Variants in TAFA2 observed in about 807,000 individuals in gnomAD.
TAFA2 encodes the protein TAFA chemokine like family member 2, also known as chemokine-like protein TAFA-2.
Under a neutral mutation model 18.8 loss-of-function variants are expected in TAFA2, and 7 were observed. The observed-to-expected ratio is 0.37, with a 90% CI of 0.21 to 0.70. TAFA2 has a LOEUF of 0.70. Among genes scored for constraint, TAFA2 ranks in the 30% least tolerant of loss-of-function variants. The pLI, the probability that TAFA2 is intolerant of heterozygous loss-of-function variation, is 0.53. For synonymous variants in TAFA2, 60 were observed against 54.2 expected, an observed-to-expected ratio of 1.11 and a Z score of -0.47; for missense variants, 122 against 158.1, an observed-to-expected ratio of 0.77 and a Z score of 1.23.
intron 2 of TAFA2, among the ~76,000 whole-genome samples, chr12:61,779,966 C>A (rs758037490): frequency 6.6e-6 from 1 of 151,660 alleles, no homozygotes; most frequent in African/African-American, 2.4e-5. Context: ...TGATTTTAGG[C>A]AAAACTTTCT....
At chr12:62,075,147 A>G (rs1882729615) in intron 1 of TAFA2, among the ~76,000 whole-genome samples, 1 of 152,242 alleles carries the variant, frequency 6.6e-6, no homozygotes, top group African/African-American at 2.4e-5. Flanking sequence ...TATTTGTATA[A>G]CAATAACAGC....
chr12:62,202,821 CTTTTTTT>C (rs71083986), intron 1 of TAFA2, among the ~76,000 whole-genome samples: 5 of 61,628 alleles, frequency 8.1e-5, no homozygotes, highest in Admixed American at 2.4e-4. Context: ...CTGTGTGGTT[CTTTTTTT>C]TTTTTTTTTT....
chr12:62,149,569 T>G (rs2062312723), intron 1 of TAFA2, among the ~76,000 whole-genome samples: 1 of 148,026 alleles, frequency 6.8e-6, no homozygotes, highest in Admixed American at 6.8e-5. Context: ...ATATATTCTA[T>G]TTATATATAT....
chr12:61,790,476 T>C (rs189484564), intron 2 of TAFA2, among the ~76,000 whole-genome samples: 40 of 151,956 alleles, frequency 2.6e-4, no homozygotes, highest in African/African-American at 7.9e-4. Flanking sequence ...TCCTAAAGAC[T>C]ACACCAAAAA....
chr12:62,125,704 G>A (rs1484614489), intron 1 of TAFA2, among the ~76,000 whole-genome samples: 4 of 152,110 alleles, frequency 2.6e-5, no homozygotes, highest in East Asian at 1.9e-4. Flanking sequence ...GTGAGGAGTC[G>A]CACAACTTAA....
chr12:61,770,993 C>T (rs891961331), intron 2 of TAFA2, among the ~76,000 whole-genome samples: 7 of 151,958 alleles, frequency 4.6e-5, no homozygotes, highest in Admixed American at 4.6e-4. Context: ...CTGCAGTCTT[C>T]AAGAGACTCA....
At chr12:61,980,929 A>C (rs1879610523) in intron 1 of TAFA2, among the ~76,000 whole-genome samples, 1 of 152,180 alleles carries the variant, frequency 6.6e-6, no homozygotes, top group Non-Finnish European at 1.5e-5. Flanking sequence ...GCTACCAATG[A>C]CTTTCTTCGC....
chr12:62,168,235 C>A (rs1444302332), intron 1 of TAFA2, among the ~76,000 whole-genome samples: 3 of 152,214 alleles, frequency 2.0e-5, no homozygotes, highest in Non-Finnish European at 4.4e-5. Flanking sequence ...GACTTTGTAA[C>A]CCATCACTAA....
chr12:62,132,756 A>G (rs1870741097), intron 1 of TAFA2, among the ~76,000 whole-genome samples: 1 of 151,936 alleles, frequency 6.6e-6, no homozygotes, highest in Non-Finnish European at 1.5e-5. Context: ...TCACCCTCCC[A>G]TCTGTGATAT....
At chr12:61,929,495 T>G (rs1030942275) in intron 1 of TAFA2, among the ~76,000 whole-genome samples, 1 of 152,066 alleles carries the variant, frequency 6.6e-6, no homozygotes, top group Non-Finnish European at 1.5e-5. Context: ...CATTAAAAAG[T>G]CAGGAAACAA....
rs555127605 is a variant in TAFA2 at position 62,079,378 on chromosome 12, C to T, written c.-2+111881G>A. On this transcript the variant is annotated intron_variant, in intron 1 of 4. Transcript: ENST00000416284. ...TGATAAAAGTTTAACAGTGGCCGGG[C>T]GCCGTGGCTCACACCTGTAATCCCA... is the stretch of plus-strand genomic sequence containing the variant. Among the ~76,000 whole-genome samples the T allele has an allele frequency of 2.6e-5, 4 of 151,900 alleles. No homozygotes were observed. The South Asian group carries it at 6.3e-4, about 24-fold the overall frequency.
At chr12:61,749,646 C>G (rs1868912407) in intron 4 of TAFA2, among the ~76,000 whole-genome samples, 1 of 151,980 alleles carries the variant, frequency 6.6e-6, no homozygotes, top group Non-Finnish European at 1.5e-5. Flanking sequence ...TTACAGAGCT[C>G]TTATCTGCTC....
intron 1 of TAFA2, among the ~76,000 whole-genome samples, chr12:62,062,339 G>A (rs1882371859): frequency 6.6e-6 from 1 of 152,160 alleles, no homozygotes; most frequent in South Asian, 2.1e-4. Flanking sequence ...TCTTGCATCT[G>A]GAGGGGAACA....
At chr12:62,104,708 G>A in intron 1 of TAFA2, 1 of 455,602 alleles carries the variant, frequency 2.2e-6, no homozygotes, top group Non-Finnish European at 4.4e-6. Context: ...GGACTTGATG[G>A]TACAATTTGT....
At chr12:62,178,526 C>T (rs1437194135) in intron 1 of TAFA2, among the ~76,000 whole-genome samples, 5 of 152,186 alleles carry the variant, frequency 3.3e-5, no homozygotes, top group African/African-American at 4.8e-5. Flanking sequence ...TACCATATTT[C>T]ACAGATCCTG....
intron 4 of TAFA2, among the ~76,000 whole-genome samples, chr12:61,732,046 G>A (rs942591526): frequency 6.6e-6 from 1 of 152,110 alleles, no homozygotes; most frequent in Non-Finnish European, 1.5e-5. Flanking sequence ...CCTGCCAAGA[G>A]AAGAATTAAG....
chr12:61,831,152 A>G (rs1356679670), intron 2 of TAFA2, among the ~76,000 whole-genome samples: 1 of 152,072 alleles, frequency 6.6e-6, no homozygotes, highest in Non-Finnish European at 1.5e-5. Flanking sequence ...CAGTGTAAGG[A>G]TTTAATTGGA....
rs146230509 is a variant in TAFA2 at position 61,824,027 on chromosome 12, A to G, written c.106+43293T>C. On this transcript the variant is annotated intron_variant, in intron 2 of 4. Coordinates refer to ENST00000416284, the MANE Select transcript of TAFA2 (RefSeq NM_178539.5). Reference sequence around the variant, plus strand: ...AAAAGTGACAGGATGTCACTTCACAATTCATGCTATGTTATATAATACTGT... The same window carrying G: ...AAAAGTGACAGGATGTCACTTCACAGTTCATGCTATGTTATATAATACTGT... 6.3e-3 allele frequency among the ~76,000 whole-genome samples: 963 copies of G among 152,198 alleles called. 4 individuals are homozygous for G. The highest frequency in any genetic ancestry group is 0.02 in the African/African-American group (838 of 41,524).
chr12:62,143,577 G>A (rs900330050), intron 1 of TAFA2, among the ~76,000 whole-genome samples: 1 of 152,108 alleles, frequency 6.6e-6, no homozygotes, highest in Non-Finnish European at 1.5e-5. Context: ...CCATTCATGT[G>A]ATCTATGTGA....
Sources: gnomAD v4.1 joint callset for allele counts (sites outside exome capture counted in the v4.1 genomes callset) on GRCh38, gnomAD v4.1.1 for gene constraint, MANE v1.5 for transcripts, NCBI Gene and HGNC (gene_info 2026-07-23, HGNC 2026-07-21) for gene names.